Variants in TBC1D14 observed in about 807,000 individuals in gnomAD.
The protein encoded by TBC1D14 is TBC1 domain family member 14.
TBC1D14 carries 26 observed loss-of-function variants against 79.0 expected under a neutral mutation model. The ratio of observed to expected loss-of-function variants is 0.33; its 90% CI spans 0.24 to 0.46. The LOEUF (loss-of-function observed/expected upper bound fraction) is 0.46. Among genes scored for constraint, TBC1D14 ranks in the 20% least tolerant of loss-of-function variants. TBC1D14 has a pLI of 1.00. For missense variants in TBC1D14, 769 were observed against 887.6 expected (o/e 0.87, Z 1.70); for synonymous variants, 394 against 349.9 (o/e 1.13, Z -1.40).
At chr4:6,984,760 G>C (rs1361625542) in intron 3 of TBC1D14, among the ~76,000 whole-genome samples, 1 of 152,172 alleles carries the variant, frequency 6.6e-6, no homozygotes, top group African/African-American at 2.4e-5. Context: ...AGTTCTTTGA[G>C]CACCTTCTCT....
At chr4:6,999,017 A>T in intron 5 of TBC1D14, 68 bp from the exon 6 acceptor site, 3 of 1,526,032 alleles carry the variant, frequency 2.0e-6, no homozygotes, top group South Asian at 1.1e-5. Context: ...GTGACAGGAA[A>T]ATCACCTTGC....
chr4:6,948,505 T>A (rs1292514013), intron 2 of TBC1D14, among the ~76,000 whole-genome samples: 3 of 152,128 alleles, frequency 2.0e-5, no homozygotes, highest in Non-Finnish European at 2.9e-5. Context: ...TTGTTCAGGG[T>A]CCAATGGTTA....
intron 2 of TBC1D14, among the ~76,000 whole-genome samples, chr4:6,945,674 G>A (rs970823573): frequency 4.1e-5 from 6 of 148,072 alleles, no homozygotes; most frequent in Middle Eastern, 3.6e-3. Flanking sequence ...GCTTGAACCC[G>A]GGAGGCGGAG....
chr4:6,956,304 ACCACCCCTGGCCAGAGGCT>A (rs1344114000), intron 2 of TBC1D14, among the ~76,000 whole-genome samples: 2 of 152,202 alleles, frequency 1.3e-5, no homozygotes, highest in African/African-American at 4.8e-5. Context: ...TGCAGGACAG[ACCACCCCTGGCCAGAGGCT>A]CCTGAGCAGC....
chr4:7,014,516 C>T lies in TBC1D14; in HGVS notation c.1716C>T (p.Phe572=). The change falls in exon 12 of 14, where the codon TTC becomes TTT. Residue 572 remains phenylalanine, a synonymous_variant. Transcript: ENST00000409757. ...EENLPKLFAH[F]KKNNLTPDIY... ...ATTTGCCGAAATTATTTGCGCATTTCAAGAAGAACAACCTAACTCCAGATA... is the reference window on the plus strand; with the variant it reads ...ATTTGCCGAAATTATTTGCGCATTTTAAGAAGAACAACCTAACTCCAGATA... The T allele has an allele frequency of 6.2e-7, 1 of 1,613,972 alleles. No homozygotes were observed. The highest frequency in any genetic ancestry group is 8.5e-7 in the Non-Finnish European group (1 of 1,179,912).
At chr4:6,913,745 C>T (rs1723180814) in intron 1 of TBC1D14, among the ~76,000 whole-genome samples, 1 of 152,194 alleles carries the variant, frequency 6.6e-6, no homozygotes, top group South Asian at 2.1e-4. Context: ...GCCTCCCAGT[C>T]ACTTCACAGC....
At chr4:6,971,913 G>A (rs1470318626) in intron 3 of TBC1D14, among the ~76,000 whole-genome samples, 2 of 152,230 alleles carry the variant, frequency 1.3e-5, no homozygotes, top group Admixed American at 6.5e-5. Context: ...AAAGCCCACC[G>A]GCCAGGCAAA....
intron 3 of TBC1D14, chr4:6,987,101 T>A (rs1236167709): frequency 1.9e-4 from 98 of 512,340 alleles, no homozygotes; most frequent in East Asian, 1.9e-4. Context: ...TGCCCGCCCC[T>A]CGCCGCTCAT....
intron 3 of TBC1D14, among the ~76,000 whole-genome samples, chr4:6,978,063 G>A (rs1400760304): frequency 1.3e-5 from 2 of 149,774 alleles, no homozygotes; most frequent in African/African-American, 4.9e-5. Flanking sequence ...CCGTCTGGGA[G>A]GGAGGTGGGG....
chr4:6,919,539 C>G (rs145100463), intron 1 of TBC1D14, among the ~76,000 whole-genome samples: 3 of 152,156 alleles, frequency 2.0e-5, no homozygotes, highest in African/African-American at 7.2e-5. Flanking sequence ...AATTGATTAT[C>G]AATTACTATA....
At chr4:7,004,714 GC>G (rs1720003608) in intron 7 of TBC1D14, 129 bp from the exon 8 acceptor site, 1 of 719,556 alleles carries the variant, frequency 1.4e-6, no homozygotes, top group Non-Finnish European at 2.3e-6. Flanking sequence ...TGTTTAAGTA[GC>G]CTGTTAAGTA....
intron 13 of TBC1D14, among the ~76,000 whole-genome samples, chr4:7,025,809 G>C (rs916009904): frequency 1.2e-4 from 19 of 152,222 alleles, no homozygotes; most frequent in African/African-American, 4.6e-4. Context: ...AAACAGTGGC[G>C]CGGATAGTCC....
At chr4:6,924,944 C>T (rs993091036) in intron 2 of TBC1D14, among the ~76,000 whole-genome samples, 1 of 152,104 alleles carries the variant, frequency 6.6e-6, no homozygotes, top group African/African-American at 2.4e-5. Context: ...TGTGAACTCC[C>T]GAACGGTGGC....
intron 11 of TBC1D14, among the ~76,000 whole-genome samples, chr4:7,013,982 C>A (rs1291817518): frequency 2.0e-5 from 3 of 152,212 alleles, no homozygotes; most frequent in Admixed American, 6.5e-5. Context: ...ATCTCCTGAC[C>A]TCATGATCCA....
chr4:7,025,657 C>T (rs1722291456), intron 13 of TBC1D14, among the ~76,000 whole-genome samples: 1 of 152,274 alleles, frequency 6.6e-6, no homozygotes, highest in Admixed American at 6.5e-5. Flanking sequence ...TGGCCATGCC[C>T]TGTGGCAGGC....
chr4:7,004,343 G>A (rs976413509), intron 7 of TBC1D14, among the ~76,000 whole-genome samples: 13 of 152,262 alleles, frequency 8.5e-5, no homozygotes, highest in African/African-American at 3.1e-4. Context: ...CTGCCAGGCA[G>A]CAAGACGAGG....
At chr4:7,012,190 T>C (rs896372401) in intron 11 of TBC1D14, among the ~76,000 whole-genome samples, 5 of 151,446 alleles carry the variant, frequency 3.3e-5, no homozygotes, top group Admixed American at 6.6e-5. Context: ...TAGTCCCAGC[T>C]AGTCGGGAGA....
intron 2 of TBC1D14, among the ~76,000 whole-genome samples, chr4:6,937,755 G>A (rs1712480378): frequency 6.6e-6 from 1 of 152,172 alleles, no homozygotes; most frequent in Non-Finnish European, 1.5e-5. Context: ...ACGTGTGAGG[G>A]TGATTACATT....
Position 6,983,404 on chromosome 4 carries a change from A to G in TBC1D14, c.844-10780A>G, listed in dbSNP as rs138564038. 1.9e-3 allele frequency among the ~76,000 whole-genome samples: 284 copies of G among 152,226 alleles called. 1 individual carries two copies. Among genetic ancestry groups the G allele is most frequent in the African/African-American group, 6.7e-3 (279 of 41,528 alleles). On this transcript the variant is annotated intron_variant, in intron 3 of 13. Transcript: ENST00000409757. ...GATACAACTCACAGAATCTCATGTA[A>G]CTCCTAGAGGTGTGCTACAAATTTT... is the stretch of plus-strand genomic sequence containing the variant.
Sources: allele counts gnomAD v4.1 joint callset (sites outside exome capture counted in the v4.1 genomes callset), GRCh38; gene constraint gnomAD v4.1.1; transcripts MANE v1.5; gene names NCBI Gene and HGNC (gene_info 2026-07-23, HGNC 2026-07-21).